Variants in AKR1B15 observed in about 807,000 individuals in gnomAD.
AKR1B15 encodes the protein aldo-keto reductase family 1 member B15, also known as estradiol 17-beta-dehydrogenase AKR1B15.
Under a neutral mutation model 38.5 loss-of-function variants are expected in AKR1B15, and 49 were observed. That is an observed-to-expected ratio of 1.27 (90% CI 1.01 to 1.62). The LOEUF (loss-of-function observed/expected upper bound fraction) is 1.62, where lower values mean the gene tolerates loss of function less well. Ranked by LOEUF, AKR1B15 falls within the 40% of genes most tolerant of loss-of-function variation. The pLI is 0.00. For synonymous variants in AKR1B15, 137 were observed against 135.5 expected, an observed-to-expected ratio of 1.01 and a Z score of -0.08; for missense variants, 411 against 381.6, an observed-to-expected ratio of 1.08 and a Z score of -0.64.
At position 134,550,373 on chromosome 7, in the gene AKR1B15, C is replaced by A. The variant is rs185111776; in HGVS notation, c.-147+1124C>A. ...CGTCTCTAAGACTTGGCTGTGTTCT[C>A]CCTCCTTAAACCCGTGAAGGAAAGG... On this transcript the variant is annotated intron_variant, in intron 1 of 11. Coordinates refer to ENST00000457545, the MANE Select transcript of AKR1B15 (RefSeq NM_001080538.3). Among the ~76,000 whole-genome samples the A allele has an allele frequency of 1.2e-4, 18 of 152,278 alleles. No individual in the cohort carries two copies. The East Asian group carries it at 3.5e-3, about 29-fold the overall frequency.
intron 3 of AKR1B15, chr7:134,565,101 T>TCAG: frequency 3.3e-6 from 1 of 304,522 alleles, no homozygotes; most frequent in Non-Finnish European, 6.1e-6. Flanking sequence ...GCCACCCCAG[T>TCAG]CAGCAGCAGC....
At chr7:134,560,284 A>G (rs1313199109) in intron 2 of AKR1B15, among the ~76,000 whole-genome samples, 1 of 152,130 alleles carries the variant, frequency 6.6e-6, no homozygotes, top group Non-Finnish European at 1.5e-5. Flanking sequence ...GCTGCTACCT[A>G]TGAACAAGCC....
chr7:134,575,599 C>G (rs185828325), intron 7 of AKR1B15, 57 bp downstream of exon 7: 2 of 1,605,636 alleles, frequency 1.2e-6, no homozygotes, highest in Non-Finnish European at 1.7e-6. Flanking sequence ...TTAAACATTG[C>G]GGGGGGAATG....
intron 3 of AKR1B15, 139 bp downstream of exon 3, chr7:134,564,908 A>G (rs1003872165): frequency 2.0e-6 from 1 of 510,380 alleles, no homozygotes; most frequent in African/African-American, 1.9e-5. Context: ...TAGCTAGAGG[A>G]TTGTAAATGC....
chr7:134,567,575 G>C (rs142574351), intron 3 of AKR1B15, among the ~76,000 whole-genome samples: 1 of 152,212 alleles, frequency 6.6e-6, no homozygotes, highest in East Asian at 1.9e-4. Flanking sequence ...TTGCCGACAA[G>C]GTTTAGAGAG....
intron 1 of AKR1B15, among the ~76,000 whole-genome samples, chr7:134,555,311 G>C (rs1794154455): frequency 6.6e-6 from 1 of 151,954 alleles, no homozygotes; most frequent in Non-Finnish European, 1.5e-5. Context: ...CCAGAAAAAA[G>C]GACTGACTCC....
chr7:134,555,750 AG>A (rs2117613785), intron 1 of AKR1B15, among the ~76,000 whole-genome samples: 1 of 152,252 alleles, frequency 6.6e-6, no homozygotes, highest in East Asian at 1.9e-4. Flanking sequence ...ACCTTGCTGC[AG>A]GGTTCGGACA....
intron 1 of AKR1B15, among the ~76,000 whole-genome samples, chr7:134,555,191 C>T (rs1056614405): frequency 6.6e-6 from 1 of 152,174 alleles, no homozygotes; most frequent in Non-Finnish European, 1.5e-5. Flanking sequence ...CCAACGGGTA[C>T]AAGACATCAT....
At chr7:134,559,940 T>G (rs550437945) in intron 2 of AKR1B15, among the ~76,000 whole-genome samples, 2 of 152,118 alleles carry the variant, frequency 1.3e-5, no homozygotes, top group African/African-American at 4.8e-5. Flanking sequence ...TAACCTCGTC[T>G]CTAACAAAAA....
chr7:134,552,069 T>A (rs1368242961), intron 1 of AKR1B15, among the ~76,000 whole-genome samples: 1 of 152,186 alleles, frequency 6.6e-6, no homozygotes, highest in African/African-American at 2.4e-5. Context: ...AAAGGGCTAC[T>A]GGAGCTATTC....
At chr7:134,563,331 G>A (rs563502728) in intron 2 of AKR1B15, among the ~76,000 whole-genome samples, 1 of 152,282 alleles carries the variant, frequency 6.6e-6, no homozygotes, top group Non-Finnish European at 1.5e-5. Context: ...ACTTTGGCAG[G>A]CCGAGGTGGG....
At chr7:134,560,658 A>T (rs1338295699) in intron 2 of AKR1B15, among the ~76,000 whole-genome samples, 4 of 152,230 alleles carry the variant, frequency 2.6e-5, no homozygotes, top group African/African-American at 4.8e-5. Context: ...AAATGGTCAG[A>T]ATCAAAATGG....
At chr7:134,573,115 C>T (rs1445172380) in intron 6 of AKR1B15, among the ~76,000 whole-genome samples, 1 of 152,212 alleles carries the variant, frequency 6.6e-6, no homozygotes, top group African/African-American at 2.4e-5. Flanking sequence ...ACTACAACCT[C>T]CCTCTACCAA....
At chr7:134,564,202 C>G (rs915214136) in intron 2 of AKR1B15, among the ~76,000 whole-genome samples, 1 of 152,144 alleles carries the variant, frequency 6.6e-6, no homozygotes, top group African/African-American at 2.4e-5. Flanking sequence ...CTTCATTATC[C>G]TACTATCACA....
chr7:134,573,726 G>C (rs1430898625), intron 6 of AKR1B15, among the ~76,000 whole-genome samples: 1 of 152,144 alleles, frequency 6.6e-6, no homozygotes, highest in Admixed American at 6.5e-5. Flanking sequence ...GGAAACTTAT[G>C]ATTTCATAGC....
intron 11 of AKR1B15, 70 bp downstream of exon 11, chr7:134,577,856 G>T: frequency 1.3e-6 from 2 of 1,543,422 alleles, no homozygotes; most frequent in Non-Finnish European, 1.8e-6. Context: ...TTAGTTGGAA[G>T]GATTAGAAGG....
At position 134,571,599 on chromosome 7, in the gene AKR1B15, T is replaced by C. The variant is rs777962791; in HGVS notation, c.436-5T>C. The C allele has an allele frequency of 1.2e-6, 2 of 1,611,820 alleles. No individual in the cohort carries two copies. Among genetic ancestry groups the C allele is most frequent in the East Asian group, 4.5e-5 (2 of 44,856 alleles). ...TCCAGTAAACTTTTCATTCTGTATT[T>C]ACAGACTGGGGATGACTTTTTCCCC... is the stretch of plus-strand genomic sequence containing the variant. On this transcript the variant is annotated splice_polypyrimidine_tract_variant and splice_region_variant and intron_variant, in intron 5 of 11. Coordinates refer to ENST00000457545, the MANE Select transcript of AKR1B15 (RefSeq NM_001080538.3).
intron 2 of AKR1B15, 57 bp from the exon 3 acceptor site, chr7:134,564,539 CTA>C (rs1794489487): frequency 1.6e-6 from 1 of 610,126 alleles, no homozygotes; most frequent in Non-Finnish European, 2.9e-6. Context: ...AGCCATCTTG[CTA>C]TTACTCACCT....
rs756562707 is a variant in AKR1B15, at chr7:134,569,392, T to A, written c.319-21T>A. 56 of 1,613,334 alleles carry A rather than the reference T, an allele frequency of 3.5e-5. No homozygotes were observed. The South Asian group carries it at 5.9e-4, about 17-fold the overall frequency. On this transcript the variant is annotated intron_variant, in intron 4 of 11. Coordinates refer to ENST00000457545, the MANE Select transcript of AKR1B15 (RefSeq NM_001080538.3). ...CCTTCCTTTTCCCAGTATTACTAGC[T>A]CATTGCTACACTCTTTGCAGGTGTG...
Sources: gnomAD v4.1 joint callset for allele counts (sites outside exome capture counted in the v4.1 genomes callset) on GRCh38, gnomAD v4.1.1 for gene constraint, MANE v1.5 for transcripts, NCBI Gene and HGNC (gene_info 2026-07-23, HGNC 2026-07-21) for gene names.